Variants in MARCHF1 observed in about 807,000 individuals in gnomAD.
MARCHF1 encodes the protein E3 ubiquitin-protein ligase MARCHF1.
In MARCHF1, 40 loss-of-function variants were observed where a neutral mutation model predicts 54.2. That is an observed-to-expected ratio of 0.74 (90% CI 0.57 to 0.96). MARCHF1 has a LOEUF of 0.96. Among genes scored for constraint, MARCHF1 ranks in the 40% least tolerant of loss-of-function variants. The probability of loss-of-function intolerance (pLI) is 0.00; values close to 1 mark genes in which losing one functional copy is unlikely to be tolerated. For synonymous variants in MARCHF1, 236 were observed against 236.3 expected, an observed-to-expected ratio of 1.00 and a Z score of 0.01; for missense variants, 586 against 656.5, an observed-to-expected ratio of 0.89 and a Z score of 1.17.
At chr4:163,609,326 A>G (rs1741245998) in intron 7 of MARCHF1, among the ~76,000 whole-genome samples, 1 of 152,088 alleles carries the variant, frequency 6.6e-6, no homozygotes, top group Non-Finnish European at 1.5e-5. Context: ...GTTCATTAAC[A>G]TCAACATTTA....
intron 1 of MARCHF1, among the ~76,000 whole-genome samples, chr4:164,301,998 T>C (rs1046690616): frequency 6.6e-6 from 1 of 152,136 alleles, no homozygotes; most frequent in Non-Finnish European, 1.5e-5. Flanking sequence ...GACAGGTTAG[T>C]CCAGGAGAGG....
chr4:163,836,759 G>GCGC (rs61539177), intron 4 of MARCHF1, among the ~76,000 whole-genome samples: 120,816 of 145,068 alleles, frequency 0.83, 51,292 homozygotes, highest in South Asian at 0.96. Flanking sequence ...GATACCAAGT[G>GCGC]CGCCATTGGC....
At chr4:163,586,047 A>G in intron 7 of MARCHF1, 118 bp from the exon 8 acceptor site, 3 of 808,266 alleles carry the variant, frequency 3.7e-6, no homozygotes, top group Middle Eastern at 7.8e-4. Context: ...TTTAGAACAC[A>G]TGGACATTTT....
At chr4:164,009,578 T>TAA (rs551507701) in intron 2 of MARCHF1, among the ~76,000 whole-genome samples, 4 of 152,276 alleles carry the variant, frequency 2.6e-5, no homozygotes, top group Non-Finnish European at 5.9e-5. Context: ...AACAACATGT[T>TAA]AAAAAATCAT....
Position 164,134,577 on chromosome 4 carries a change from TTA to T in MARCHF1, c.-322-22917_-322-22916del, listed in dbSNP as rs549569329. ...AGGGCATTTCCTGACTGGCATTTATTTATATTCCTTCTGACGTCACACTCGCC... is the reference window on the plus strand; with the variant it reads ...AGGGCATTTCCTGACTGGCATTTATTTATTCCTTCTGACGTCACACTCGCC... On this transcript the variant is annotated intron_variant, in intron 1 of 9. Transcript: ENST00000514618. Among the ~76,000 whole-genome samples the T allele has an allele frequency of 1.4e-4, 21 of 152,258 alleles. No homozygotes were observed. In the South Asian group the frequency reaches 4.4e-3, roughly 32 times the overall value.
chr4:163,743,558 T>C (rs1746269910), intron 4 of MARCHF1, among the ~76,000 whole-genome samples: 1 of 150,110 alleles, frequency 6.7e-6, no homozygotes, highest in Non-Finnish European at 1.5e-5. Flanking sequence ...TAACAAGCAA[T>C]GGAAAGATGA....
At chr4:163,727,357 G>C (rs1482129485) in intron 4 of MARCHF1, among the ~76,000 whole-genome samples, 1 of 151,040 alleles carries the variant, frequency 6.6e-6, no homozygotes, top group Non-Finnish European at 1.5e-5. Context: ...GCCCAGGCTG[G>C]AGTGCAGTGG....
At chr4:163,883,263 G>T (rs1157427811) in intron 3 of MARCHF1, among the ~76,000 whole-genome samples, 2 of 4,504 alleles carry the variant, frequency 4.4e-4, no homozygotes, top group Non-Finnish European at 0.017. Flanking sequence ...ATATATGAGA[G>T]AGAGAGAGAG....
chr4:164,197,247 A>G (rs1560949400), intron 1 of MARCHF1: 2 of 1,610,716 alleles, frequency 1.2e-6, no homozygotes, highest in Non-Finnish European at 1.7e-6. Context: ...GGTCCTCAAT[A>G]TCTGAGTAAG....
At chr4:164,237,493 G>A (rs1732596909) in intron 1 of MARCHF1, among the ~76,000 whole-genome samples, 1 of 151,808 alleles carries the variant, frequency 6.6e-6, no homozygotes. Flanking sequence ...TCAAACACCT[G>A]GACCACAACC....
At chr4:164,098,157 C>T (rs1755456151) in intron 2 of MARCHF1, among the ~76,000 whole-genome samples, 1 of 152,118 alleles carries the variant, frequency 6.6e-6, no homozygotes, top group Non-Finnish European at 1.5e-5. Context: ...CCGCTTCACA[C>T]CCATCTAAAA....
At chr4:163,615,724 A>C (rs1275344339) in intron 5 of MARCHF1, among the ~76,000 whole-genome samples, 1 of 152,098 alleles carries the variant, frequency 6.6e-6, no homozygotes, top group African/African-American at 2.4e-5. Flanking sequence ...TAGAAAAAAC[A>C]ATCCCAAAAT....
intron 2 of MARCHF1, among the ~76,000 whole-genome samples, chr4:164,024,380 C>T (rs1412054973): frequency 1.3e-5 from 2 of 152,124 alleles, no homozygotes; most frequent in African/African-American, 4.8e-5. Flanking sequence ...ATCAGGCTAA[C>T]AGTAGATCTC....
At chr4:163,812,175 T>A (rs999814795) in intron 4 of MARCHF1, among the ~76,000 whole-genome samples, 3 of 152,076 alleles carry the variant, frequency 2.0e-5, no homozygotes, top group Non-Finnish European at 4.4e-5. Context: ...AGTTCACAGA[T>A]CCTGGGACTT....
intron 7 of MARCHF1, among the ~76,000 whole-genome samples, chr4:163,589,936 T>A (rs1298434947): frequency 1.3e-5 from 2 of 152,076 alleles, no homozygotes; most frequent in African/African-American, 4.8e-5. Context: ...TGCAATCCAG[T>A]CAGCATATGT....
At chr4:164,052,741 T>A (rs1371962461) in intron 2 of MARCHF1, among the ~76,000 whole-genome samples, 1 of 152,138 alleles carries the variant, frequency 6.6e-6, no homozygotes, top group Non-Finnish European at 1.5e-5. Flanking sequence ...AGCTGTCTCA[T>A]AAATGATAAA....
intron 8 of MARCHF1, among the ~76,000 whole-genome samples, chr4:163,560,995 G>A (rs888740518): frequency 2.6e-5 from 4 of 151,950 alleles, no homozygotes; most frequent in East Asian, 3.9e-4. Flanking sequence ...TTTTCCAATC[G>A]AGATGCTTTT....
chr4:164,008,427 T>C (rs1753343200), intron 2 of MARCHF1, among the ~76,000 whole-genome samples: 1 of 152,118 alleles, frequency 6.6e-6, no homozygotes. Context: ...ACAAGTCATC[T>C]AGACAGAAAA....
chr4:163,915,928 C>T (rs1256443346), intron 3 of MARCHF1, among the ~76,000 whole-genome samples: 1 of 152,080 alleles, frequency 6.6e-6, no homozygotes, highest in African/African-American at 2.4e-5. Flanking sequence ...CAAAAACCTT[C>T]CCATTTAAGA....
Sources: allele counts gnomAD v4.1 joint callset (sites outside exome capture counted in the v4.1 genomes callset), GRCh38; gene constraint gnomAD v4.1.1; transcripts MANE v1.5; gene names NCBI Gene and HGNC (gene_info 2026-07-23, HGNC 2026-07-21).